The following ERICH6B variants were observed in gnomAD, a reference collection of about 807,000 sequenced individuals.
ERICH6B encodes glutamate-rich protein 6B.
A neutral mutation model predicts 80.0 loss-of-function variants in ERICH6B; 69 were observed. The ratio of observed to expected loss-of-function variants is 0.86; its 90% CI spans 0.71 to 1.05. The LOEUF is 1.05. ERICH6B is among the 50% of genes least tolerant of loss of function. The pLI, the probability that ERICH6B is intolerant of heterozygous loss-of-function variation, is 0.00. For synonymous variants in ERICH6B, 283 were observed against 291.9 expected (o/e 0.97, Z 0.31); for missense variants, 754 against 796.1 (o/e 0.95, Z 0.64).
chr13:45,584,949 C>CCAG (rs1278966372), intron 5 of ERICH6B, among the ~76,000 whole-genome samples: 1 of 152,202 alleles, frequency 6.6e-6, no homozygotes, highest in Non-Finnish European at 1.5e-5. Context: ...CCTCCACCTC[C>CCAG]TCCTGACTGG....
At chr13:45,610,839 G>A (rs1214756260) in intron 1 of ERICH6B, among the ~76,000 whole-genome samples, 1 of 120,300 alleles carries the variant, frequency 8.3e-6, no homozygotes, top group Non-Finnish European at 1.9e-5. Context: ...AGGACTGTGT[G>A]TGTGTGTGTG....
rs1873782584 is a variant in ERICH6B, at chr13:45,541,642, TTTC to T, written c.1908_1910del (p.Lys637del). On this transcript the variant is annotated inframe_deletion, in exon 15 of 15. Coordinates refer to ENST00000298738, the MANE Select transcript of ERICH6B (RefSeq NM_182542.3). The stretch of plus-strand genomic sequence containing the variant: ...GGCCGGGTTCTGCCTCCAGGATGGT[TTTC>T]TTCTTCATTTCGCTCAGCACCTCTG... 1 of 1,551,010 alleles carries T rather than the reference TTTC, an allele frequency of 6.4e-7. No homozygotes were observed. The highest frequency in any genetic ancestry group is 1.4e-5 in the African/African-American group (1 of 72,992).
chr13:45,574,812 G>A (rs557182075), intron 8 of ERICH6B, 30 bp downstream of exon 8: 7 of 1,504,396 alleles, frequency 4.7e-6, no homozygotes, highest in South Asian at 3.6e-5. Flanking sequence ...GGAAGCTGGG[G>A]GGGGGGTCTC....
chr13:45,566,279 G>T (rs1342689417), intron 9 of ERICH6B, among the ~76,000 whole-genome samples: 1 of 152,214 alleles, frequency 6.6e-6, no homozygotes, highest in Non-Finnish European at 1.5e-5. Context: ...CAATAGAAAA[G>T]AAAATCCTAT....
At chr13:45,580,784 T>TG (rs1875623909) in intron 5 of ERICH6B, 119 bp from the exon 6 acceptor site, 1 of 938,894 alleles carries the variant, frequency 1.1e-6, no homozygotes, top group Non-Finnish European at 1.6e-6. Flanking sequence ...GGTCAACAGT[T>TG]GGGGGGAACT....
Position 45,566,304 on chromosome 13 carries a change from A to T in ERICH6B, c.1187+2011T>A, listed in dbSNP as rs140360228. 7.4e-3 allele frequency among the ~76,000 whole-genome samples: 1,122 copies of T among 152,320 alleles called. 13 individuals are homozygous for T. The highest frequency in any genetic ancestry group is 0.025 in the African/African-American group (1,045 of 41,586). Reference sequence around the variant, plus strand: ...GAAAATCCTATTTTCTGAGAAGAAAATCAAGCCAGCTGCAGAAATTTGCAT... The same window carrying T: ...GAAAATCCTATTTTCTGAGAAGAAATTCAAGCCAGCTGCAGAAATTTGCAT... On this transcript the variant is annotated intron_variant, in intron 9 of 14. Coordinates refer to ENST00000298738, the MANE Select transcript of ERICH6B (RefSeq NM_182542.3).
intron 10 of ERICH6B, among the ~76,000 whole-genome samples, chr13:45,563,010 C>T (rs1874754148): frequency 6.6e-6 from 1 of 152,166 alleles, no homozygotes. Context: ...GGTCCAGTCA[C>T]CTGGAAGATA....
At chr13:45,581,866 G>C (rs1372746784) in intron 5 of ERICH6B, among the ~76,000 whole-genome samples, 2 of 152,220 alleles carry the variant, frequency 1.3e-5, no homozygotes, top group African/African-American at 2.4e-5. Flanking sequence ...TCTTCAGCAA[G>C]AGGCCGGCAC....
chr13:45,566,901 T>C (rs56323071), intron 9 of ERICH6B, among the ~76,000 whole-genome samples: 17,788 of 152,200 alleles, frequency 0.12, 3,067 homozygotes, highest in African/African-American at 0.37. Context: ...GGAAAAGCCT[T>C]AGACACTCAA....
chr13:45,558,763 T>G (rs1247054152), intron 11 of ERICH6B, among the ~76,000 whole-genome samples: 1 of 152,246 alleles, frequency 6.6e-6, no homozygotes, highest in Admixed American at 6.5e-5. Context: ...AAACCATTCC[T>G]GCATCCCTGG....
At chr13:45,568,075 T>A (rs1280612434) in intron 9 of ERICH6B, among the ~76,000 whole-genome samples, 1 of 152,206 alleles carries the variant, frequency 6.6e-6, no homozygotes, top group Admixed American at 6.5e-5. Context: ...GTACCTCCCA[T>A]GCTTGCAATA....
chr13:45,549,566 C>A (rs1415436495), intron 13 of ERICH6B, among the ~76,000 whole-genome samples: 1 of 152,210 alleles, frequency 6.6e-6, no homozygotes, highest in Non-Finnish European at 1.5e-5. Flanking sequence ...CTCTGAGGCA[C>A]CCAGAACAGG....
intron 2 of ERICH6B, among the ~76,000 whole-genome samples, chr13:45,605,089 C>T (rs756028911): frequency 6.6e-6 from 1 of 152,074 alleles, no homozygotes; most frequent in Non-Finnish European, 1.5e-5. Context: ...CCACTTTTCT[C>T]CCGAGGCCCC....
chr13:45,595,572 CAA>C, intron 3 of ERICH6B, among the ~76,000 whole-genome samples: 1 of 151,504 alleles, frequency 6.6e-6, no homozygotes, highest in South Asian at 2.1e-4. Context: ...AAGATATAAT[CAA>C]AAGTGTGGAA....
intron 9 of ERICH6B, among the ~76,000 whole-genome samples, chr13:45,566,109 T>C (rs761120792): frequency 1.3e-5 from 2 of 152,150 alleles, no homozygotes; most frequent in Non-Finnish European, 2.9e-5. Flanking sequence ...CCCTAGAGAT[T>C]TGTGAAACTT....
intron 8 of ERICH6B, among the ~76,000 whole-genome samples, chr13:45,570,284 T>G (rs1338123790): frequency 6.6e-6 from 1 of 152,116 alleles, no homozygotes; most frequent in Non-Finnish European, 1.5e-5. Flanking sequence ...AGGTTTGTGA[T>G]GCATAAGTGT....
rs373012393 is a variant in ERICH6B at position 45,577,043 on chromosome 13, TG to T, written c.962-2114del. Among the ~76,000 whole-genome samples the T allele has an allele frequency of 1.2e-4, 18 of 152,122 alleles. No individual in the cohort carries two copies. In the South Asian group the frequency reaches 3.1e-3, roughly 26 times the overall value. Reference sequence around the variant, plus strand: ...ACTCCATGAGAGGATGGGAAGGGCCTGGGGGGAGTATCAGGCCAAATTCGAG... The same window carrying T: ...ACTCCATGAGAGGATGGGAAGGGCCTGGGGGAGTATCAGGCCAAATTCGAG... On this transcript the variant is annotated intron_variant, in intron 7 of 14. Transcript: ENST00000298738.
intron 8 of ERICH6B, among the ~76,000 whole-genome samples, chr13:45,573,985 A>G (rs1389881161): frequency 7.2e-5 from 11 of 152,176 alleles, no homozygotes; most frequent in Admixed American, 7.2e-4. Flanking sequence ...TCTTAGTAAT[A>G]CGGTGCTGTA....
intron 3 of ERICH6B, among the ~76,000 whole-genome samples, chr13:45,593,655 G>A (rs1356187833): frequency 2.0e-5 from 3 of 152,124 alleles, no homozygotes; most frequent in Non-Finnish European, 4.4e-5. Flanking sequence ...AGGCAGTCAA[G>A]CTCCTGAGAG....
Sources: allele counts gnomAD v4.1 joint callset (sites outside exome capture counted in the v4.1 genomes callset), GRCh38; gene constraint gnomAD v4.1.1; transcripts MANE v1.5; gene names NCBI Gene and HGNC (gene_info 2026-07-23, HGNC 2026-07-21).